Variants in CACNA1C observed in about 807,000 individuals in gnomAD.
CACNA1C encodes voltage-dependent L-type calcium channel subunit alpha-1C.
CACNA1C carries 30 observed loss-of-function variants against 229.0 expected under a neutral mutation model. That is an observed-to-expected ratio of 0.13 (90% CI 0.10 to 0.18). CACNA1C has a LOEUF of 0.18. CACNA1C is among the 10% of genes least tolerant of loss of function. The pLI, the probability that CACNA1C is intolerant of heterozygous loss-of-function variation, is 1.00. For synonymous variants in CACNA1C, 1,114 were observed against 1,132.5 expected (o/e 0.98, Z 0.33); for missense variants, 1,658 against 2,845.0 (o/e 0.58, Z 9.49).
Position 2,566,376 on chromosome 12 carries a change from T to G in CACNA1C, c.1509-46T>G. The G allele has an allele frequency of 6.6e-7, 1 of 1,518,852 alleles. No individual in the cohort carries two copies. The highest frequency in any genetic ancestry group is 8.9e-7 in the Non-Finnish European group (1 of 1,125,776). The allele number at this position is 1,518,852 out of a possible 1,614,324, so 94.1% of individuals were successfully genotyped here. On this transcript the variant is annotated intron_variant, in intron 11 of 46. Coordinates refer to ENST00000399655, the MANE Select transcript of CACNA1C (RefSeq NM_000719.7). The surrounding 1 kb of genome is among the most constrained non-coding windows in gnomAD (Gnocchi z 4.0). ...GCTGCATCTTGGGTTGGAGGAAACC[T>G]GAATTCACAGCCAACCCCACCCTTC...
rs2097800054 is a variant in CACNA1C, at chr12:2,692,561, A to G, written c.*1362A>G. ...TGTCTCTGCTTCTGAAACGGGAATC[A>G]GTAACTCTTTGCATTTTCTGTCCCA... is the stretch of plus-strand genomic sequence containing the variant. On this transcript the variant is annotated 3_prime_UTR_variant, in exon 47 of 47. Coordinates refer to ENST00000399655, the MANE Select transcript of CACNA1C (RefSeq NM_000719.7). The G allele has an allele frequency of 6.5e-6, 1 of 152,786 alleles. No homozygotes were observed. Among genetic ancestry groups the G allele is most frequent in the Middle Eastern group, 3.4e-3 (1 of 294 alleles). The allele number at this position is 152,786 out of a possible 1,614,324, so 9.5% of individuals were successfully genotyped here. A position where few individuals can be genotyped will look rare whatever the true frequency, so the allele number is the denominator to read the frequency against.
chr12:1,999,028 T>G (rs139458424), intron 1 of CACNA1C, among the ~76,000 whole-genome samples: 4,169 of 152,324 alleles, frequency 0.027, 95 homozygotes, highest in Middle Eastern at 0.054. Context: ...TTTCAGCAAA[T>G]TTCTCATTCA....
At chr12:2,619,031 C>G (rs2082046488) in intron 29 of CACNA1C, among the ~76,000 whole-genome samples, 1 of 152,182 alleles carries the variant, frequency 6.6e-6, no homozygotes, top group Admixed American at 6.5e-5. Flanking sequence ...TTTTACAAAG[C>G]AAATTTTGCT....
In CACNA1C at chr12:2,252,450, A is replaced by G. The variant is rs11062173; in HGVS notation, c.477+132020A>G. ...AGAAAGAGGACCCTCTGGGAGGCCA[A>G]CGTGCTGAGTGGAAGGTGGAAGGAC... is the stretch of plus-strand genomic sequence containing the variant. On this transcript the variant is annotated intron_variant, in intron 3 of 46. Coordinates refer to ENST00000399655, the MANE Select transcript of CACNA1C (RefSeq NM_000719.7). 1.8e-3 allele frequency among the ~76,000 whole-genome samples: 269 copies of G among 152,352 alleles called. 2 individuals carry two copies. The highest frequency in any genetic ancestry group is 6.1e-3 in the African/African-American group (252 of 41,584).
At chr12:2,279,656 A>C (rs1210727711) in intron 3 of CACNA1C, among the ~76,000 whole-genome samples, 1 of 152,238 alleles carries the variant, frequency 6.6e-6, no homozygotes, top group Non-Finnish European at 1.5e-5. Flanking sequence ...TGACTGTGTT[A>C]GTATCGTATA....
At chr12:2,495,470 C>A (rs539878177) in intron 7 of CACNA1C, among the ~76,000 whole-genome samples, 1 of 152,314 alleles carries the variant, frequency 6.6e-6, no homozygotes, top group African/African-American at 2.4e-5. Context: ...GATATGACTG[C>A]CTTTGCTGAT....
At position 2,387,915 on chromosome 12, in the gene CACNA1C, G is replaced by A. The variant is rs533338080; in HGVS notation, c.478-61061G>A. On this transcript the variant is annotated intron_variant, in intron 3 of 46. Transcript: ENST00000399655. Reference sequence around the variant, plus strand: ...CCCCACTGAGGCATAAAACCAGGGAGCCCCCTTACCAGATCTGTACTAAGA... The same window carrying A: ...CCCCACTGAGGCATAAAACCAGGGAACCCCCTTACCAGATCTGTACTAAGA... 1.1e-4 allele frequency among the ~76,000 whole-genome samples: 16 copies of A among 152,308 alleles called. No individual in the cohort carries two copies. In the South Asian group the frequency reaches 3.3e-3, roughly 32 times the overall value.
intron 3 of CACNA1C, among the ~76,000 whole-genome samples, chr12:2,310,040 A>G (rs2095334238): frequency 1.3e-5 from 2 of 152,226 alleles, no homozygotes; most frequent in African/African-American, 4.8e-5. Context: ...TATAAGATCT[A>G]TGTTTAAATC....
chr12:2,125,499 T>A (rs183196502), intron 3 of CACNA1C, among the ~76,000 whole-genome samples: 101 of 152,170 alleles, frequency 6.6e-4, no homozygotes, highest in East Asian at 9.7e-4. Flanking sequence ...TAGCTTTTTT[T>A]AAAAAATTAA....
chr12:2,545,655 A>G (rs2099879722), intron 9 of CACNA1C, among the ~76,000 whole-genome samples: 1 of 152,264 alleles, frequency 6.6e-6, no homozygotes, highest in East Asian at 1.9e-4. Flanking sequence ...AGAAATGCCC[A>G]TTAAAATGAT....
intron 1 of CACNA1C, among the ~76,000 whole-genome samples, chr12:2,106,458 GGGT>G (rs1344550901): frequency 2.0e-5 from 2 of 101,800 alleles, no homozygotes; most frequent in African/African-American, 7.4e-5. Context: ...ACCTCAGCTG[GGGT>G]GTCCTGAAGC....
Position 2,004,120 on chromosome 12 carries a change from C to T in CACNA1C, c.139+32919C>T, listed in dbSNP as rs896604690. On this transcript the variant is annotated intron_variant, in intron 1 of 46. Coordinates refer to the CACNA1C transcript ENST00000682462. ...AGATCCGCCTTCCTTCCCCCAAACCCCCGAGACCCCATCTCCACAACTTCG... is the reference window on the plus strand; with the variant it reads ...AGATCCGCCTTCCTTCCCCCAAACCTCCGAGACCCCATCTCCACAACTTCG... 4 of 1,026,878 alleles carry T rather than the reference C, an allele frequency of 3.9e-6. No individual in the cohort carries two copies. In the African/African-American group the frequency reaches 6.4e-5, roughly 16 times the overall value. The allele number at this position is 1,026,878 out of a possible 1,614,324, so 63.6% of individuals were successfully genotyped here. A position where few individuals can be genotyped will look rare whatever the true frequency, so the allele number is the denominator to read the frequency against.
chr12:2,414,041 G>C (rs994938600), intron 3 of CACNA1C, among the ~76,000 whole-genome samples: 2 of 151,704 alleles, frequency 1.3e-5, no homozygotes, highest in African/African-American at 2.4e-5. Context: ...AGGCAGTGCA[G>C]AGAGAGTGGG....
At chr12:2,316,596 T>G (rs2095702612) in intron 3 of CACNA1C, among the ~76,000 whole-genome samples, 1 of 152,232 alleles carries the variant, frequency 6.6e-6, no homozygotes, top group Non-Finnish European at 1.5e-5. Flanking sequence ...AGGCTTGGTC[T>G]CATGAATAGG....
Position 2,053,073 on chromosome 12 carries a change from T to C in CACNA1C, c.-490T>C, listed in dbSNP as rs2154501979. 6 of 983,922 alleles carry C rather than the reference T, an allele frequency of 6.1e-6. No homozygotes were observed. Among genetic ancestry groups the C allele is most frequent in the Non-Finnish European group, 7.2e-6 (6 of 829,126 alleles). 60.9% of individuals were successfully genotyped at this position (983,922 alleles called of 1,614,324 possible). On this transcript the variant is annotated 5_prime_UTR_variant, in exon 1 of 47. Transcript: ENST00000399655. The surrounding 1 kb of genome is among the most constrained non-coding windows in gnomAD (Gnocchi z 5.8). The stretch of plus-strand genomic sequence containing the variant: ...GCGGGCCCGGAGCGGCGGCGGCGGC[T>C]CTTCCTGCCTCCGCGCCCAGGAGTT...
chr12:2,434,013 G>GA (rs2099110968), intron 3 of CACNA1C, among the ~76,000 whole-genome samples: 1 of 152,238 alleles, frequency 6.6e-6, no homozygotes, highest in East Asian at 1.9e-4. Flanking sequence ...TTGATTTAAT[G>GA]AAAAAATGAG....
intron 1 of CACNA1C, chr12:1,992,864 A>G: frequency 4.6e-6 from 2 of 431,526 alleles, no homozygotes; most frequent in South Asian, 3.9e-5. Flanking sequence ...CACTCGGCCA[A>G]AAGTGATACA....
chr12:2,093,220 T>C (rs548995189), intron 1 of CACNA1C, among the ~76,000 whole-genome samples: 83 of 152,340 alleles, frequency 5.4e-4, no homozygotes, highest in Non-Finnish European at 8.4e-4. Flanking sequence ...TGGGTGACTA[T>C]GCAGTGGGGC....
At chr12:2,062,273 A>G (rs764680563) in intron 1 of CACNA1C, among the ~76,000 whole-genome samples, 19 of 152,238 alleles carry the variant, frequency 1.2e-4, no homozygotes, top group African/African-American at 9.6e-5. Context: ...TTGGTGCTTC[A>G]TGTGCTTAAT....
Sources: allele counts gnomAD v4.1 joint callset (sites outside exome capture counted in the v4.1 genomes callset), GRCh38; gene constraint gnomAD v4.1.1; non-coding constraint Gnocchi (gnomAD v3.1); transcripts MANE v1.5; gene names NCBI Gene and HGNC (gene_info 2026-07-23, HGNC 2026-07-21).